VEPH1: variants seen among roughly 807,000 people sequenced by gnomAD.
The protein encoded by VEPH1 is ventricular zone expressed PH domain containing 1, also known as ventricular zone-expressed PH domain-containing protein homolog 1.
In VEPH1, 80 loss-of-function variants were observed where a neutral mutation model predicts 85.2. The ratio of observed to expected loss-of-function variants is 0.94; its 90% confidence interval spans 0.78 to 1.13. The LOEUF (loss-of-function observed/expected upper bound fraction) is 1.13. Among genes scored for constraint, VEPH1 ranks in the 50% most tolerant of loss-of-function variants. The pLI, the probability that VEPH1 is intolerant of heterozygous loss-of-function variation, is 0.00. For synonymous variants in VEPH1, 297 were observed against 348.0 expected, an observed-to-expected ratio of 0.85 and a Z score of 1.63; for missense variants, 955 against 980.5, an observed-to-expected ratio of 0.97 and a Z score of 0.35.
At chr3:157,315,515 A>G (rs1302344083) in intron 10 of VEPH1, among the ~76,000 whole-genome samples, 1 of 152,090 alleles carries the variant, frequency 6.6e-6, no homozygotes, top group Non-Finnish European at 1.5e-5. Context: ...TAGTTGACAG[A>G]AAACGGAAAG....
At chr3:157,305,972 A>G (rs1719469660) in intron 11 of VEPH1, among the ~76,000 whole-genome samples, 1 of 152,178 alleles carries the variant, frequency 6.6e-6, no homozygotes. Context: ...TTCATTTAAA[A>G]TTATTGTGCA....
intron 7 of VEPH1, among the ~76,000 whole-genome samples, chr3:157,367,421 A>C (rs1726830151): frequency 6.6e-6 from 1 of 152,234 alleles, no homozygotes; most frequent in Admixed American, 6.5e-5. Flanking sequence ...GTTAATTTTA[A>C]AAAATCTAAT....
At chr3:157,364,951 T>TA (rs1052287396) in intron 7 of VEPH1, among the ~76,000 whole-genome samples, 3 of 152,250 alleles carry the variant, frequency 2.0e-5, no homozygotes, top group Non-Finnish European at 4.4e-5. Context: ...TGTTAATTTT[T>TA]AAAAAATCAG....
chr3:157,371,308 C>CAAAG (rs34751256), intron 7 of VEPH1, among the ~76,000 whole-genome samples: 1,657 of 152,276 alleles, frequency 0.011, 33 homozygotes, highest in East Asian at 0.043. Flanking sequence ...CAACTGCAGA[C>CAAAG]AGAATTTCCT....
intron 6 of VEPH1, among the ~76,000 whole-genome samples, chr3:157,389,674 GATA>G (rs1452510128): frequency 6.6e-5 from 10 of 151,686 alleles, no homozygotes; most frequent in African/African-American, 2.4e-4. Context: ...TAGATAGATA[GATA>G]GATAGATAGA....
intron 9 of VEPH1, among the ~76,000 whole-genome samples, chr3:157,334,343 GT>G (rs1325739546): frequency 6.6e-6 from 1 of 152,168 alleles, no homozygotes; most frequent in Non-Finnish European, 1.5e-5. Context: ...AATAATTCTA[GT>G]CTTAAGGAAA....
Position 157,428,489 on chromosome 3 carries a change from C to T in VEPH1, c.530-1G>A, listed in dbSNP as rs1732912047. The T allele has an allele frequency of 6.2e-7, 1 of 1,612,946 alleles. No homozygotes were observed. Among genetic ancestry groups the T allele is most frequent in the African/African-American group, 1.3e-5 (1 of 74,868 alleles). ...AACACTCTCAACAACATGGTGTTAC[C>T]TGTTGAGGGAACAATAAAGGGAATG... On this transcript the variant is annotated splice_acceptor_variant, in intron 4 of 13. Transcript: ENST00000362010. LOFTEE classifies it high-confidence loss of function.
chr3:157,486,451 G>A (rs1343703228), intron 2 of VEPH1, among the ~76,000 whole-genome samples: 1 of 142,678 alleles, frequency 7.0e-6, no homozygotes, highest in East Asian at 2.1e-4. Flanking sequence ...AGCCAAGATT[G>A]TACCACTGCA....
chr3:157,349,571 T>C (rs923519014), intron 9 of VEPH1, among the ~76,000 whole-genome samples: 1 of 152,056 alleles, frequency 6.6e-6, no homozygotes, highest in Admixed American at 6.6e-5. Context: ...GGTATCCACA[T>C]TGGAAAGGAG....
intron 4 of VEPH1, among the ~76,000 whole-genome samples, chr3:157,430,888 A>C (rs778371307): frequency 1.8e-4 from 27 of 152,242 alleles, no homozygotes; most frequent in Non-Finnish European, 2.9e-4. Flanking sequence ...GTAGTTCAGA[A>C]GTCTGACATA....
At chr3:157,412,902 C>T (rs1264157962) in intron 6 of VEPH1, among the ~76,000 whole-genome samples, 3 of 152,022 alleles carry the variant, frequency 2.0e-5, no homozygotes, top group Admixed American at 6.6e-5. Flanking sequence ...AGACAAAATT[C>T]GAAAATGGAT....
At chr3:157,316,519 G>T (rs1159219446) in intron 10 of VEPH1, among the ~76,000 whole-genome samples, 3 of 147,910 alleles carry the variant, frequency 2.0e-5, no homozygotes, top group Non-Finnish European at 4.5e-5. Flanking sequence ...TGAAAGTTTA[G>T]TGCATCCGAG....
chr3:157,368,334 A>G lies in VEPH1; in HGVS notation c.1128-3822T>C, dbSNP rs1365503189. ...TGGAAGCAGCCTTCCTTCATGTTCA[A>G]GTTGCTTTATAGCATTACTCTGATG... On this transcript the variant is annotated intron_variant, in intron 7 of 13. Transcript: ENST00000362010. Among the ~76,000 whole-genome samples, 9 of 152,274 alleles carry G rather than the reference A, an allele frequency of 5.9e-5. No homozygotes were observed. In the East Asian group the frequency reaches 1.7e-3, roughly 29 times the overall value.
chr3:157,363,140 A>C (rs937487131), intron 9 of VEPH1, among the ~76,000 whole-genome samples: 1 of 150,936 alleles, frequency 6.6e-6, no homozygotes, highest in Admixed American at 6.6e-5. Flanking sequence ...TCAAAGAGTC[A>C]GTGGACTTAT....
intron 3 of VEPH1, 64 bp from the exon 4 acceptor site, chr3:157,460,419 C>G (rs750560941): frequency 5.7e-4 from 871 of 1,537,452 alleles, no homozygotes; most frequent in Non-Finnish European, 7.1e-4. Context: ...CATTCATTCA[C>G]TCATTCAAAA....
chr3:157,471,205 A>G (rs1012019056), intron 2 of VEPH1, among the ~76,000 whole-genome samples: 1 of 152,224 alleles, frequency 6.6e-6, no homozygotes, highest in African/African-American at 2.4e-5. Flanking sequence ...ATAATAGAGC[A>G]GGAAAGTATT....
intron 10 of VEPH1, chr3:157,316,276 T>C (rs1720747067): frequency 6.6e-6 from 1 of 152,070 alleles, no homozygotes; most frequent in African/African-American, 2.4e-5. Context: ...AGCCGTGTTA[T>C]AACATTTGCA....
chr3:157,419,961 G>A (rs1732203548), intron 5 of VEPH1, among the ~76,000 whole-genome samples: 1 of 152,056 alleles, frequency 6.6e-6, no homozygotes, highest in Admixed American at 6.6e-5. Context: ...AGAAAATATG[G>A]CACATATATA....
At chr3:157,392,509 G>T (rs937066389) in intron 6 of VEPH1, among the ~76,000 whole-genome samples, 3 of 152,112 alleles carry the variant, frequency 2.0e-5, no homozygotes, top group South Asian at 2.1e-4. Context: ...TATATCAATG[G>T]TCTACATCAG....
Sources: allele counts gnomAD v4.1 joint callset (sites outside exome capture counted in the v4.1 genomes callset), GRCh38; gene constraint gnomAD v4.1.1; transcripts MANE v1.5; gene names NCBI Gene and HGNC (gene_info 2026-07-23, HGNC 2026-07-21).